The following DNAH6 variants were observed in gnomAD, a reference collection of about 807,000 sequenced individuals.
DNAH6 encodes the protein dynein axonemal heavy chain 6, also known as axonemal beta dynein heavy chain 6.
DNAH6 carries 340 observed loss-of-function variants against 491.4 expected under a neutral mutation model. The ratio of observed to expected loss-of-function variants is 0.69; its 90% CI spans 0.63 to 0.76. The LOEUF (loss-of-function observed/expected upper bound fraction) is 0.76, where lower values mean the gene tolerates loss of function less well. Among genes scored for constraint, DNAH6 ranks in the 30% least tolerant of loss-of-function variants. The probability of loss-of-function intolerance (pLI) is 0.00; values close to 1 mark genes in which losing one functional copy is unlikely to be tolerated. For synonymous variants in DNAH6, 1,603 were observed against 1,686.1 expected (o/e 0.95, Z 1.21); for missense variants, 4,443 against 4,972.2 (o/e 0.89, Z 3.20).
intron 2 of DNAH6, among the ~76,000 whole-genome samples, chr2:84,523,475 G>T (rs1676331992): frequency 6.6e-6 from 1 of 151,328 alleles, no homozygotes. Context: ...TCTGATTTTG[G>T]TTCTTTCTTG....
rs1195257336 is a variant in DNAH6 at position 84,522,423 on chromosome 2, G to C, written c.226-3142G>C. 3.3e-5 allele frequency among the ~76,000 whole-genome samples: 5 copies of C among 152,010 alleles called. No individual in the cohort carries two copies. In the East Asian group the frequency reaches 9.6e-4, roughly 29 times the overall value. ...ATAGAATCATGTCATCTGCAAACAG[G>C]GATAGTTTGACTTCCTCTCTTCCTA... On this transcript the variant is annotated intron_variant, in intron 2 of 76. Transcript: ENST00000389394.
intron 62 of DNAH6, among the ~76,000 whole-genome samples, chr2:84,740,014 CT>C (rs879926329): frequency 2.3e-3 from 322 of 139,884 alleles, no homozygotes; most frequent in Admixed American, 3.1e-3. Flanking sequence ...TGATACTTCT[CT>C]TTTTTTTTTT....
At chr2:84,725,573 G>A (rs1698547176) in intron 60 of DNAH6, among the ~76,000 whole-genome samples, 1 of 152,154 alleles carries the variant, frequency 6.6e-6, no homozygotes, top group Non-Finnish European at 1.5e-5. Flanking sequence ...TATCTTGGGT[G>A]TTTTGGAATT....
intron 33 of DNAH6, among the ~76,000 whole-genome samples, chr2:84,648,010 T>C (rs1690055759): frequency 6.6e-6 from 1 of 152,266 alleles, no homozygotes. Flanking sequence ...ATGATTCTAA[T>C]GTTAGTTCTG....
chr2:84,730,756 C>T (rs1322935831), intron 61 of DNAH6, among the ~76,000 whole-genome samples: 2 of 152,154 alleles, frequency 1.3e-5, no homozygotes, highest in African/African-American at 4.8e-5. Context: ...GAAAACTTTA[C>T]ATGAAATCTA....
At position 84,786,209 on chromosome 2, in the gene DNAH6, T is replaced by C. The variant is rs540855778; in HGVS notation, c.11100+453T>C. On this transcript the variant is annotated intron_variant, in intron 67 of 76. Coordinates refer to ENST00000389394, the MANE Select transcript of DNAH6 (RefSeq NM_001370.2). ...GGGAGGCCAACATGGGCAATTCGCT[T>C]GAGCCCAGGAGTTCAAGACCAGTCT... Among the ~76,000 whole-genome samples the C allele has an allele frequency of 3.3e-5, 5 of 152,220 alleles. No homozygotes were observed. In the East Asian group the frequency reaches 7.7e-4, roughly 23 times the overall value.
intron 64 of DNAH6, among the ~76,000 whole-genome samples, chr2:84,772,930 G>A (rs1385861051): frequency 6.6e-6 from 1 of 151,868 alleles, no homozygotes; most frequent in Non-Finnish European, 1.5e-5. Flanking sequence ...TAAAAAGATT[G>A]AGCCATAAAA....
intron 4 of DNAH6, among the ~76,000 whole-genome samples, chr2:84,534,268 T>A (rs73945113): frequency 0.011 from 1,743 of 151,862 alleles, 30 homozygotes; most frequent in African/African-American, 0.04. Flanking sequence ...ACTTATTTTT[T>A]AAAAAAAAAC....
chr2:84,511,077 G>T, the DNAH6 span, among the ~76,000 whole-genome samples: 1 of 152,158 alleles, frequency 6.6e-6, no homozygotes, highest in Non-Finnish European at 1.5e-5. Context: ...TGTGTGCTGG[G>T]AGAACCACTA....
chr2:84,624,307 A>G lies in DNAH6; in HGVS notation c.4114A>G (p.Lys1372Glu), dbSNP rs779636577. ...LAAIVQGSLP[K>E]LHRNILTALI... Reference sequence around the variant, plus strand: ...TGCAATAGTTCAAGGCAGTCTTCCTAAATTACACAGAAACATCCTAACTGC... The same window carrying G: ...TGCAATAGTTCAAGGCAGTCTTCCTGAATTACACAGAAACATCCTAACTGC... Residue 1372 changes from lysine to glutamate, a missense_variant, in exon 27 of 77, where the codon AAA becomes GAA. Lys to Glu is a moderately conservative substitution (Grantham distance 56). Coordinates refer to ENST00000389394, the MANE Select transcript of DNAH6 (RefSeq NM_001370.2). 2.3e-5 allele frequency: 36 copies of G among 1,551,150 alleles called. No homozygotes were observed. In the African/African-American group the frequency reaches 4.7e-4, roughly 20 times the overall value.
chr2:84,473,980 A>G, the DNAH6 span, among the ~76,000 whole-genome samples: 200 of 152,320 alleles, frequency 1.3e-3, no homozygotes, highest in Admixed American at 3.6e-3. Flanking sequence ...TAGTCAGACT[A>G]TTTAGCATGC....
chr2:84,792,207 G>A (rs1192311), intron 68 of DNAH6, among the ~76,000 whole-genome samples: 17,684 of 152,152 alleles, frequency 0.12, 1,065 homozygotes, highest in Non-Finnish European at 0.13. Context: ...AGAGAATGGT[G>A]GGTATCACAG....
At chr2:84,516,346 A>C (rs983157769), upstream of DNAH6, 1 of 152,292 alleles carries the variant, frequency 6.6e-6, no homozygotes, top group African/African-American at 2.4e-5. Context: ...TCAGCGAAGT[A>C]GGAAATGTTT....
the DNAH6 span, among the ~76,000 whole-genome samples, chr2:84,482,398 A>G: frequency 1.3e-5 from 2 of 152,224 alleles, no homozygotes; most frequent in African/African-American, 4.8e-5. Context: ...GGTGAAATAG[A>G]TGGCCAAAGT....
In DNAH6 at chr2:84,642,041, G is replaced by C; in HGVS notation, c.5065G>C (p.Ala1689Pro). 1 of 1,548,112 alleles carries C rather than the reference G, an allele frequency of 6.5e-7. No individual in the cohort carries two copies. The stretch of plus-strand genomic sequence containing the variant: ...TTTGCCAAAATTTCTAACAGATGAT[G>C]CTCTTCTGTTCAGGTAAGTTTGTAG... The part of the protein sequence containing the change: ...SNLPKFLTDD[A>P]LLFSGIISDL... Residue 1689 changes from alanine to proline, a missense_variant, in exon 33 of 77, where the codon GCT becomes CCT. Around this residue, in one of 3 missense-constraint regions of DNAH6, gnomAD observed 2,977 missense variants for 3,296.6 expected, o/e 0.90. Transcript: ENST00000389394.
At chr2:84,800,729 T>C (rs894791501) in intron 70 of DNAH6, among the ~76,000 whole-genome samples, 3 of 152,124 alleles carry the variant, frequency 2.0e-5, no homozygotes, top group African/African-American at 7.2e-5. Context: ...TTTTAAAAAA[T>C]GAGCAAAGGC....
At chr2:84,475,662 A>ATT in the DNAH6 span, among the ~76,000 whole-genome samples, 1 of 152,192 alleles carries the variant, frequency 6.6e-6, no homozygotes, top group Admixed American at 6.5e-5. Context: ...ATTCAGTTAA[A>ATT]TGAGTCTTCC....
chr2:84,734,146 C>CT (rs11314819), intron 62 of DNAH6, among the ~76,000 whole-genome samples: 2,768 of 129,456 alleles, frequency 0.021, 75 homozygotes, highest in African/African-American at 0.037. Context: ...TAAAACTACA[C>CT]TTTTTTTTTT....
chr2:84,600,871 C>G (rs1258944752), intron 18 of DNAH6, among the ~76,000 whole-genome samples: 1 of 151,096 alleles, frequency 6.6e-6, no homozygotes, highest in South Asian at 2.1e-4. Context: ...TGTTCCACCT[C>G]CTAAAAGCAT....
Sources: allele counts gnomAD v4.1 joint callset (sites outside exome capture counted in the v4.1 genomes callset), GRCh38; gene constraint gnomAD v4.1.1; regional missense constraint gnomAD v4.1.1; transcripts MANE v1.5; gene names NCBI Gene and HGNC (gene_info 2026-07-23, HGNC 2026-07-21).